SCN1A: variants seen among roughly 807,000 people sequenced by gnomAD.
SCN1A encodes the protein sodium channel protein type 1 subunit alpha.
Under a neutral mutation model 193.7 loss-of-function variants are expected in SCN1A, and 13 were observed. The ratio of observed to expected loss-of-function variants is 0.07; its 90% CI spans 0.04 to 0.11. The LOEUF is 0.11. SCN1A is among the 10% of genes least tolerant of loss of function. SCN1A has a pLI of 1.00. For synonymous variants in SCN1A, 781 were observed against 843.6 expected, an observed-to-expected ratio of 0.93 and a Z score of 1.29; for missense variants, 1,432 against 2,451.1, an observed-to-expected ratio of 0.58 and a Z score of 8.78.
chr2:166,106,141 T>G (rs1361249917), intron 2 of SCN1A, among the ~76,000 whole-genome samples: 3 of 152,160 alleles, frequency 2.0e-5, no homozygotes, highest in African/African-American at 7.2e-5. Context: ...GAGCCCAGAT[T>G]GCGCCACTGT....
At chr2:166,056,945 C>T (rs1695661137) in intron 5 of SCN1A, among the ~76,000 whole-genome samples, 1 of 151,974 alleles carries the variant, frequency 6.6e-6, no homozygotes, top group African/African-American at 2.4e-5. Flanking sequence ...TTAAACACAT[C>T]TTATCCAACA....
intron 4 of SCN1A, among the ~76,000 whole-genome samples, chr2:166,061,209 C>T (rs977624517): frequency 6.6e-6 from 1 of 152,030 alleles, no homozygotes; most frequent in African/African-American, 2.4e-5. Flanking sequence ...AAACCATGAC[C>T]AGAGGTAATA....
At chr2:166,139,808 A>G (rs1198877929) in intron 1 of SCN1A, among the ~76,000 whole-genome samples, 1 of 152,164 alleles carries the variant, frequency 6.6e-6, no homozygotes, top group Non-Finnish European at 1.5e-5. Context: ...CGATTCAGTT[A>G]TCTCTCACCA....
chr2:166,030,692 G>T (rs982298864), intron 19 of SCN1A, among the ~76,000 whole-genome samples: 1 of 151,272 alleles, frequency 6.6e-6, no homozygotes, highest in Non-Finnish European at 1.5e-5. Flanking sequence ...AGGAAACGGG[G>T]TAATATAGAT....
At chr2:166,062,438 A>G (rs1372579760) in intron 4 of SCN1A, among the ~76,000 whole-genome samples, 1 of 152,150 alleles carries the variant, frequency 6.6e-6, no homozygotes, top group African/African-American at 2.4e-5. Flanking sequence ...AATTGCTTAC[A>G]TAGCCAAGAA....
chr2:166,143,402 A>G (rs912989925), intron 1 of SCN1A, among the ~76,000 whole-genome samples: 15 of 151,916 alleles, frequency 9.9e-5, no homozygotes, highest in Non-Finnish European at 2.1e-4. Context: ...TCCTGACCTC[A>G]TGATCTGCCC....
chr2:166,026,737 G>T (rs1475797434), intron 19 of SCN1A, among the ~76,000 whole-genome samples: 1 of 131,206 alleles, frequency 7.6e-6, no homozygotes, highest in Non-Finnish European at 1.5e-5. Flanking sequence ...AGGCTGGAGT[G>T]CAGTGGCGTG....
At chr2:166,021,168 A>G (rs1053333215) in intron 19 of SCN1A, among the ~76,000 whole-genome samples, 2 of 150,394 alleles carry the variant, frequency 1.3e-5, no homozygotes, top group South Asian at 2.1e-4. Flanking sequence ...TCATAATAGT[A>G]AGAAGAATTT....
chr2:166,061,945 G>T lies in SCN1A; in HGVS notation c.265-3257C>A, dbSNP rs181078133. 8.9e-4 allele frequency among the ~76,000 whole-genome samples: 136 copies of T among 152,210 alleles called. 1 individual carries two copies. The highest frequency in any genetic ancestry group is 3.1e-3 in the African/African-American group (130 of 41,566). On this transcript the variant is annotated intron_variant, in intron 4 of 28. Transcript: ENST00000674923. ...CCTTTATTCATTTTAAAAATTTAAA[G>T]AATGTGTAGAAGATTATTTGGTAAC...
At chr2:166,018,397 T>C (rs1048634116) in intron 19 of SCN1A, among the ~76,000 whole-genome samples, 1 of 152,018 alleles carries the variant, frequency 6.6e-6, no homozygotes, top group African/African-American at 2.4e-5. Flanking sequence ...AAAGACCTTA[T>C]GTTACTTTTT....
At chr2:166,132,617 A>G (rs1691705106), upstream of SCN1A, among the ~76,000 whole-genome samples, 1 of 152,192 alleles carries the variant, frequency 6.6e-6, no homozygotes, top group Non-Finnish European at 1.5e-5. Flanking sequence ...TGCAATTAAG[A>G]ACTCTCTTTT....
Position 166,031,224 on chromosome 2 carries a change from G to C in SCN1A, c.3429+4824C>G, listed in dbSNP as rs190120851. Among the ~76,000 whole-genome samples, 3 of 152,026 alleles carry C rather than the reference G, an allele frequency of 2.0e-5. No individual in the cohort carries two copies. In the East Asian group the frequency reaches 5.8e-4, roughly 29 times the overall value. The stretch of plus-strand genomic sequence containing the variant: ...AGCCCTTAGTTTGCTCTGGAATGGA[G>C]GATAGTTAGGTGTGAGTTCACCACA... On this transcript the variant is annotated intron_variant, in intron 19 of 28. Transcript: ENST00000674923.
intron 26 of SCN1A, among the ~76,000 whole-genome samples, chr2:165,997,239 C>T (rs1690203369): frequency 6.6e-6 from 1 of 151,048 alleles, no homozygotes. Flanking sequence ...TATCAACCTA[C>T]TGGGGAATGA....
At chr2:166,005,059 C>T (rs1026142985) in intron 23 of SCN1A, among the ~76,000 whole-genome samples, 20 of 151,328 alleles carry the variant, frequency 1.3e-4, no homozygotes, top group African/African-American at 4.4e-4. Context: ...TTCCAGTCTA[C>T]GTGGAAGAGT....
rs1474960995 is a variant in SCN1A, at chr2:165,996,027, T to C, written c.4567A>G (p.Ile1523Val). 2.5e-6 allele frequency: 4 copies of C among 1,604,876 alleles called. No individual in the cohort carries two copies. Among genetic ancestry groups the C allele is most frequent in the African/African-American group, 2.7e-5 (2 of 74,574 alleles). The change falls in exon 27 of 29, where the codon ATA becomes GTA. Residue 1523 changes from isoleucine to valine, a missense_variant. By Grantham distance (29) the Ile-to-Val change is conservative (BLOSUM62 3). Coordinates refer to ENST00000674923, the MANE Select transcript of SCN1A (RefSeq NM_001165963.4). ...KLGSKKPQKP[I>V]PRPGNKFQGM... Reference sequence around the variant, plus strand: ...ATACTTCTTACTCCTGGTCGAGGTATAGGCTTTTGCGGTTTTTTCGATCCT... The same window carrying C: ...ATACTTCTTACTCCTGGTCGAGGTACAGGCTTTTGCGGTTTTTTCGATCCT...
chr2:166,120,297 A>G (rs530986353), intron 2 of SCN1A, among the ~76,000 whole-genome samples: 99 of 151,772 alleles, frequency 6.5e-4, no homozygotes, highest in Non-Finnish European at 9.6e-4. Flanking sequence ...AAAGAAGAAA[A>G]CAGAAATCCT....
intron 21 of SCN1A, among the ~76,000 whole-genome samples, chr2:166,012,562 TTGAAGTTATG>T (rs1472826500): frequency 3.3e-5 from 5 of 149,634 alleles, no homozygotes; most frequent in African/African-American, 4.9e-5. Flanking sequence ...CCATCCCAAC[TTGAAGTTATG>T]TATTCCTTTT....
chr2:166,019,912 CTT>C (rs200535265), intron 19 of SCN1A, among the ~76,000 whole-genome samples: 13 of 134,448 alleles, frequency 9.7e-5, no homozygotes, highest in Admixed American at 7.3e-5. Flanking sequence ...AGGTGAACTT[CTT>C]TTTTTTTTTT....
intron 8 of SCN1A, 136 bp from the exon 9 acceptor site, chr2:166,052,124 C>T (rs1406876186): frequency 1.4e-6 from 1 of 701,420 alleles, no homozygotes; most frequent in Admixed American, 2.9e-5. Flanking sequence ...AGCAACACTT[C>T]ATTGAAGGGG....
Sources: gnomAD v4.1 joint callset for allele counts (sites outside exome capture counted in the v4.1 genomes callset) on GRCh38, gnomAD v4.1.1 for gene constraint, MANE v1.5 for transcripts, NCBI Gene and HGNC (gene_info 2026-07-23, HGNC 2026-07-21) for gene names.